SHROOM2: variants seen among roughly 807,000 people sequenced by gnomAD.
SHROOM2 encodes shroom family member 2.
In SHROOM2, 33 loss-of-function variants were observed where a neutral mutation model predicts 75.9. That is an observed-to-expected ratio of 0.43 (90% confidence interval 0.33 to 0.58). SHROOM2 has a LOEUF of 0.58. Ranked by LOEUF, SHROOM2 falls within the 20% of genes least tolerant of loss-of-function variation. The pLI is 0.04. For missense variants in SHROOM2, 1,434 were observed against 1,461.2 expected, an observed-to-expected ratio of 0.98 and a Z score of 0.30; for synonymous variants, 655 against 663.6, an observed-to-expected ratio of 0.99 and a Z score of 0.20.
intron 1 of SHROOM2, among the ~76,000 whole-genome samples, chrX:9,806,890 A>G (rs2083756059): frequency 9.0e-6 from 1 of 110,968 alleles, no homozygotes; most frequent in Non-Finnish European, 1.9e-5. Context: ...TACCTGGCTA[A>G]TTTTTGTATT....
intron 6 of SHROOM2, among the ~76,000 whole-genome samples, chrX:9,936,226 T>C (rs1300384650): frequency 9.0e-6 from 1 of 110,538 alleles, no homozygotes; most frequent in Non-Finnish European, 1.9e-5. Flanking sequence ...ATTCTCATGC[T>C]TCAGCTTCCC....
intron 1 of SHROOM2, among the ~76,000 whole-genome samples, chrX:9,808,105 A>G (rs2083765996): frequency 9.0e-6 from 1 of 110,937 alleles, no homozygotes; most frequent in South Asian, 3.8e-4. Context: ...GAGCATTCCG[A>G]TCTCCGGTGT....
chrX:9,927,873 G>GCT (rs2084610266), intron 5 of SHROOM2, among the ~76,000 whole-genome samples: 1 of 111,205 alleles, frequency 9.0e-6, no homozygotes, highest in Non-Finnish European at 1.9e-5. Flanking sequence ...TGTCAGGGCA[G>GCT]GACTGGGGGA....
intron 1 of SHROOM2, among the ~76,000 whole-genome samples, chrX:9,821,915 A>T (rs2083855198): frequency 8.9e-6 from 1 of 111,900 alleles, no homozygotes; most frequent in Non-Finnish European, 1.9e-5. Flanking sequence ...TAAAGAGGTA[A>T]ATTTTATCGT....
chrX:9,922,947 G>C (rs774679700), intron 5 of SHROOM2, among the ~76,000 whole-genome samples: 1 of 111,496 alleles, frequency 9.0e-6, no homozygotes, highest in South Asian at 3.8e-4. Flanking sequence ...GCAGTGGAGA[G>C]TTGGCCCTTG....
In SHROOM2 at chrX:9,922,740, G is replaced by A. The variant is rs142637335; in HGVS notation, c.2892-9435G>A. ...GTGAGAGAGTTGTTTCTCTGGGAGC[G>A]GTGGACTGGCTGGGTCGCAGGGCAG... On this transcript the variant is annotated intron_variant, in intron 5 of 9. Coordinates refer to ENST00000380913, the MANE Select transcript of SHROOM2 (RefSeq NM_001649.4). 3.6e-3 allele frequency among the ~76,000 whole-genome samples: 400 copies of A among 110,927 alleles called. 3 individuals are homozygous for A. The highest frequency in any genetic ancestry group is 0.013 in the African/African-American group (387 of 30,530).
At chrX:9,872,234 C>G (rs1463199732) in intron 1 of SHROOM2, among the ~76,000 whole-genome samples, 2 of 112,564 alleles carry the variant, frequency 1.8e-5, no homozygotes, top group African/African-American at 6.4e-5. Flanking sequence ...CTGTTGAGTT[C>G]TACTTTACTG....
At chrX:9,863,464 T>C (rs1188698811) in intron 1 of SHROOM2, among the ~76,000 whole-genome samples, 1 of 111,118 alleles carries the variant, frequency 9.0e-6, no homozygotes, top group Non-Finnish European at 1.9e-5. Flanking sequence ...CTCCTTGCCA[T>C]GGTGCCTCGT....
At chrX:9,820,387 T>G (rs2083847453) in intron 1 of SHROOM2, among the ~76,000 whole-genome samples, 1 of 109,279 alleles carries the variant, frequency 9.2e-6, no homozygotes, top group Non-Finnish European at 1.9e-5. Context: ...CTTTTTTAAA[T>G]AGAGTCTTGC....
intron 1 of SHROOM2, among the ~76,000 whole-genome samples, chrX:9,799,142 A>T (rs1394086344): frequency 1.0e-5 from 1 of 97,446 alleles, no homozygotes; most frequent in African/African-American, 4.1e-5. Context: ...GTTTGCCTTT[A>T]CGGAGAGTTT....
Position 9,932,287 on chromosome X carries a change from C to T in SHROOM2, c.3004C>T (p.Pro1002Ser), listed in dbSNP as rs2084655703. 8.3e-7 allele frequency: 1 copy of T among 1,200,896 alleles called. No homozygotes were observed. Among genetic ancestry groups the T allele is most frequent in the African/African-American group, 1.8e-5 (1 of 56,317 alleles). ...FSELSHCRGAPELPREGRGRA... is the reference protein window; with the variant it reads ...FSELSHCRGASELPREGRGRA... ...TGAACTATCTCACTGCCGGGGAGCC[C>T]CAGAGCTGCCCCGGGAGGGCCGGGG... is the stretch of plus-strand genomic sequence containing the variant. The change falls in exon 6 of 10, where the codon CCA becomes TCA. Residue 1002 changes from proline to serine, a missense_variant. Pro to Ser is a moderately conservative substitution (Grantham distance 74). Transcript: ENST00000380913.
rs768001791 is a variant in SHROOM2, at chrX:9,894,782, G to A, written c.874G>A (p.Ala292Thr). 1.7e-5 allele frequency: 20 copies of A among 1,210,399 alleles called. No homozygotes were observed. In the East Asian group the frequency reaches 5.6e-4, roughly 34 times the overall value. Reference protein sequence around the residue: ...PEYNAEPKLAAPGRSNFGPVW... With the variant: ...PEYNAEPKLATPGRSNFGPVW... ...GTACAATGCCGAGCCCAAGCTGGCTGCCCCTGGGAGGTCCAATTTTGGGCC... is the reference window on the plus strand; with the variant it reads ...GTACAATGCCGAGCCCAAGCTGGCTACCCCTGGGAGGTCCAATTTTGGGCC... Residue 292 changes from alanine (A) to threonine (T), a missense_variant, in exon 4 of 10, where the codon GCC (alanine) becomes ACC (threonine). By Grantham distance (58) the Ala-to-Thr change is moderately conservative. This residue lies in a region of SHROOM2 where 1,340 missense variants were observed against 1,338.3 expected (regional missense o/e 1.00). Coordinates refer to ENST00000380913, the MANE Select transcript of SHROOM2 (RefSeq NM_001649.4).
intron 1 of SHROOM2, among the ~76,000 whole-genome samples, chrX:9,870,362 T>A (rs1400079033): frequency 8.9e-6 from 1 of 112,513 alleles, no homozygotes; most frequent in Non-Finnish European, 1.9e-5. Flanking sequence ...TGCTTTGCTT[T>A]ACTACGTAAA....
At chrX:9,827,223 C>CTTTTTTCTTTTTTTT (rs1555924845) in intron 1 of SHROOM2, among the ~76,000 whole-genome samples, 1 of 60,153 alleles carries the variant, frequency 1.7e-5, no homozygotes, top group Admixed American at 2.7e-4. Flanking sequence ...TTTTCTTTTT[C>CTTTTTTCTTTTTTTT]TTTTTTTTTT....
In SHROOM2 at chrX:9,944,915, T is replaced by C; in HGVS notation, c.4584+2T>C. On this transcript the variant is annotated splice_donor_variant, in intron 9 of 9. Transcript: ENST00000380913. LOFTEE classifies it high-confidence loss of function. ...GACGGCGCTTCTCCCGGTGATCGGG[T>C]AAATGCAGATACGTCTGACTTGGAA... The C allele has an allele frequency of 8.4e-7, 1 of 1,191,987 alleles. No homozygotes were observed. The highest frequency in any genetic ancestry group is 3.0e-5 in the East Asian group (1 of 33,008).
chrX:9,939,888 G>A lies in SHROOM2; in HGVS notation c.4311+522G>A, dbSNP rs752981921. The stretch of plus-strand genomic sequence containing the variant: ...TGCAACCTCTGCCTCCCGGGTTCAA[G>A]CAATTCTCCTACCTCAGCCCCTCGA... On this transcript the variant is annotated intron_variant, in intron 8 of 9. Transcript: ENST00000380913. 8.2e-5 allele frequency among the ~76,000 whole-genome samples: 9 copies of A among 110,274 alleles called. No individual in the cohort carries two copies. In the East Asian group the frequency reaches 2.3e-3, roughly 28 times the overall value.
chrX:9,894,738 G>A lies in SHROOM2; in HGVS notation c.830G>A (p.Gly277Asp). Residue 277 changes from glycine to aspartate, a missense_variant, in exon 4 of 10, where the codon GGC becomes GAC. Gly to Asp is a moderately conservative substitution (Grantham distance 94). Coordinates refer to ENST00000380913, the MANE Select transcript of SHROOM2 (RefSeq NM_001649.4). ...CCGCCCAGGGTCCCCGGTGACAGCG[G>A]CAAAGGCCCCAGGCCAGAGTACAAT... ...CFPPRVPGDS[G>D]KGPRPEYNAE... 8.3e-7 allele frequency: 1 copy of A among 1,211,112 alleles called. No homozygotes were observed. Among genetic ancestry groups the A allele is most frequent in the Non-Finnish European group, 1.1e-6 (1 of 895,130 alleles).
intron 3 of SHROOM2, 59 bp downstream of exon 3, chrX:9,891,167 C>T: frequency 1.8e-6 from 2 of 1,112,185 alleles, no homozygotes; most frequent in Non-Finnish European, 2.4e-6. Flanking sequence ...AGGGAGCGCA[C>T]TCCTGACTGC....
chrX:9,825,818 GT>G (rs1569143032), intron 1 of SHROOM2, among the ~76,000 whole-genome samples: 1 of 112,325 alleles, frequency 8.9e-6, no homozygotes, highest in Non-Finnish European at 1.9e-5. Context: ...TTCTTAGCCA[GT>G]TTCTGGAGCT....
Sources: allele counts gnomAD v4.1 joint callset (sites outside exome capture counted in the v4.1 genomes callset), GRCh38; gene constraint gnomAD v4.1.1; regional missense constraint gnomAD v4.1.1; transcripts MANE v1.5; gene names NCBI Gene and HGNC (gene_info 2026-07-23, HGNC 2026-07-21).